RFT1: variants seen among roughly 807,000 people sequenced by gnomAD.
RFT1 encodes the protein RFT1 glycolipid translocator homolog.
RFT1 carries 43 observed loss-of-function variants against 62.2 expected under a neutral mutation model. That is an observed-to-expected ratio of 0.69 (90% CI 0.54 to 0.89). The LOEUF (loss-of-function observed/expected upper bound fraction) is 0.89. Ranked by LOEUF, RFT1 falls within the 40% of genes least tolerant of loss-of-function variation. RFT1 has a pLI of 0.00. For missense variants in RFT1, 605 were observed against 649.9 expected (o/e 0.93, Z 0.75); for synonymous variants, 262 against 264.6 (o/e 0.99, Z 0.10).
chr3:53,124,858 G>T (rs1702066341), intron 2 of RFT1, among the ~76,000 whole-genome samples: 1 of 152,090 alleles, frequency 6.6e-6, no homozygotes, highest in Non-Finnish European at 1.5e-5. Flanking sequence ...TGTAGGCCCA[G>T]CTGCTCAGGA....
intron 3 of RFT1, 77 bp from the exon 4 acceptor site, chr3:53,122,640 G>GA (rs1004005688): frequency 4.1e-5 from 38 of 919,522 alleles, no homozygotes; most frequent in Non-Finnish European, 5.5e-5. Flanking sequence ...ACACTGAACA[G>GA]AAAAAAATAG....
intron 6 of RFT1, among the ~76,000 whole-genome samples, chr3:53,117,670 G>A (rs1168984675): frequency 6.6e-6 from 1 of 152,138 alleles, no homozygotes; most frequent in Non-Finnish European, 1.5e-5. Context: ...CCTAGCTAGG[G>A]TGCCCCTGTA....
chr3:53,099,892 T>C (rs1701265312), intron 10 of RFT1, among the ~76,000 whole-genome samples: 2 of 151,988 alleles, frequency 1.3e-5, no homozygotes, highest in Non-Finnish European at 2.9e-5. Context: ...GAGGTTGAGG[T>C]GGGAGGATCA....
At chr3:53,098,673 G>C (rs1228004719) in intron 11 of RFT1, among the ~76,000 whole-genome samples, 2 of 152,048 alleles carry the variant, frequency 1.3e-5, no homozygotes, top group East Asian at 3.9e-4. Context: ...ATGGTGGCAC[G>C]CGCCTGTAGT....
At chr3:53,124,372 G>A (rs1702053082) in intron 2 of RFT1, among the ~76,000 whole-genome samples, 1 of 152,128 alleles carries the variant, frequency 6.6e-6, no homozygotes, top group South Asian at 2.1e-4. Context: ...GAGCCTTCCT[G>A]CATCTTAGCG....
rs1201197352 is a variant in RFT1 at position 53,124,866 on chromosome 3, G to T, written c.150-1026C>A. 2.0e-5 allele frequency among the ~76,000 whole-genome samples: 3 copies of T among 152,114 alleles called. No homozygotes were observed. The East Asian group carries it at 5.8e-4, about 29-fold the overall frequency. ...GCACACCTGTAGGCCCAGCTGCTCAGGAGGCTCATACGGGAGCATCGCTTG... is the reference window on the plus strand; with the variant it reads ...GCACACCTGTAGGCCCAGCTGCTCATGAGGCTCATACGGGAGCATCGCTTG... On this transcript the variant is annotated intron_variant, in intron 2 of 12. Coordinates refer to ENST00000296292, the MANE Select transcript of RFT1 (RefSeq NM_052859.4).
chr3:53,113,017 T>C (rs1345145829), intron 6 of RFT1, among the ~76,000 whole-genome samples: 1 of 152,146 alleles, frequency 6.6e-6, no homozygotes, highest in Non-Finnish European at 1.5e-5. Flanking sequence ...TTTGGTTTTT[T>C]GTTTTGTTTT....
At chr3:53,103,802 A>C (rs1701383190) in intron 10 of RFT1, 151 bp downstream of exon 10, 1 of 947,986 alleles carries the variant, frequency 1.1e-6, no homozygotes, top group Non-Finnish European at 1.7e-6. Flanking sequence ...CTGGAGTTGA[A>C]CGAGGGGAAC....
the RFT1 span, among the ~76,000 whole-genome samples, chr3:53,068,484 C>T: frequency 1.3e-5 from 2 of 152,220 alleles, no homozygotes; most frequent in South Asian, 4.1e-4. Flanking sequence ...TTAATCCTCA[C>T]CACAACCCTG....
the RFT1 span, among the ~76,000 whole-genome samples, chr3:53,070,437 T>C: frequency 7.8e-6 from 1 of 128,828 alleles, no homozygotes; most frequent in Non-Finnish European, 1.6e-5. Context: ...AGTCTCACTC[T>C]GTCGCCCAGG....
chr3:53,082,016 T>C, the RFT1 span, among the ~76,000 whole-genome samples: 1 of 152,162 alleles, frequency 6.6e-6, no homozygotes, highest in East Asian at 1.9e-4. Flanking sequence ...TGATCATGGC[T>C]TATTGCAGCC....
the RFT1 span, among the ~76,000 whole-genome samples, chr3:53,076,329 T>C: frequency 6.6e-6 from 1 of 151,990 alleles, no homozygotes; most frequent in Non-Finnish European, 1.5e-5. Flanking sequence ...GAATAAGTAG[T>C]GAGGGGTTCC....
chr3:53,126,037 G>A, intron 1 of RFT1, 43 bp from the exon 2 acceptor site: 3 of 1,472,936 alleles, frequency 2.0e-6, no homozygotes, highest in South Asian at 1.2e-5. Context: ...AATGACGTTA[G>A]AAGTGTTTAC....
Position 53,091,992 on chromosome 3 carries a change from G to A in RFT1, c.1537C>T (p.Leu513Phe), listed in dbSNP as rs1575478074. The A allele has an allele frequency of 1.2e-6, 2 of 1,614,252 alleles. No homozygotes were observed. The highest frequency in any genetic ancestry group is 4.5e-5 in the East Asian group (2 of 44,888). ...GTCTCTGTGAGGAATGCTGTCCCGA[G>A]AGTTGCTCCCAGACAGAAGGCCCCC... is the stretch of plus-strand genomic sequence containing the variant. The part of the protein sequence containing the change: ...AVGAFCLGAT[L>F]GTAFLTETKL... The change falls in exon 13 of 13, where the codon CTC (leucine) becomes TTC (phenylalanine). Residue 513 changes from leucine (L) to phenylalanine (F), a missense_variant. By Grantham distance (22) the Leu-to-Phe change is conservative (BLOSUM62 0). Transcript: ENST00000296292.
chr3:53,098,650 A>C (rs1045703062), intron 11 of RFT1, among the ~76,000 whole-genome samples: 27 of 152,058 alleles, frequency 1.8e-4, no homozygotes, highest in African/African-American at 5.1e-4. Context: ...AAAATACAAA[A>C]AATTAGCCAG....
In RFT1 at chr3:53,111,876, A is replaced by C; in HGVS notation, c.729T>G (p.Thr243=). Residue 243 remains threonine (T), a synonymous_variant, in exon 7 of 13, where the codon ACT becomes ACG. Transcript: ENST00000296292. ...AFINWKEAKL[T]WSFFKQSFLK... ...AGAAAGACTGTTTGAAAAAACTCCA[A>C]GTCAGTTTAGCCTCTTTCCAGTTTA... 6.2e-7 allele frequency: 1 copy of C among 1,614,014 alleles called. No individual in the cohort carries two copies. The highest frequency in any genetic ancestry group is 8.5e-7 in the Non-Finnish European group (1 of 1,179,984).
At chr3:53,072,553 GA>G in the RFT1 span, among the ~76,000 whole-genome samples, 2 of 152,306 alleles carry the variant, frequency 1.3e-5, no homozygotes, top group South Asian at 4.1e-4. Flanking sequence ...CTCTACCACT[GA>G]TGTTGTAAGA....
chr3:53,099,944 T>C (rs1189777004), intron 10 of RFT1, among the ~76,000 whole-genome samples: 1 of 152,154 alleles, frequency 6.6e-6, no homozygotes, highest in Non-Finnish European at 1.5e-5. Flanking sequence ...GCCATGATAG[T>C]GCCACTGCAC....
chr3:53,125,722 T>C lies in RFT1; in HGVS notation c.149+187A>G, dbSNP rs1448710579. Among the ~76,000 whole-genome samples, 10 of 152,224 alleles carry C rather than the reference T, an allele frequency of 6.6e-5. No individual in the cohort carries two copies. The East Asian group carries it at 1.9e-3, about 29-fold the overall frequency. The stretch of plus-strand genomic sequence containing the variant: ...TAATGGAAAACACTCCATGAGTCCA[T>C]TAAAAGCAACATCGCCTGCGCGTCC... On this transcript the variant is annotated intron_variant, in intron 2 of 12. Coordinates refer to ENST00000296292, the MANE Select transcript of RFT1 (RefSeq NM_052859.4).
Sources: allele counts gnomAD v4.1 joint callset (sites outside exome capture counted in the v4.1 genomes callset), GRCh38; gene constraint gnomAD v4.1.1; transcripts MANE v1.5; gene names NCBI Gene and HGNC (gene_info 2026-07-23, HGNC 2026-07-21).